MRPS27: variants seen among roughly 807,000 people sequenced by gnomAD.
The protein encoded by MRPS27 is small ribosomal subunit protein mS27.
A neutral mutation model predicts 48.9 loss-of-function variants in MRPS27; 43 were observed. The observed-to-expected ratio is 0.88, with a 90% CI of 0.69 to 1.13. The LOEUF is 1.13. Among genes scored for constraint, MRPS27 ranks in the 50% most tolerant of loss-of-function variants. The pLI is 0.00. For synonymous variants in MRPS27, 188 were observed against 171.9 expected (o/e 1.09, Z -0.73); for missense variants, 467 against 476.3 (o/e 0.98, Z 0.18).
At chr5:72,247,150 T>A (rs963128293) in intron 4 of MRPS27, among the ~76,000 whole-genome samples, 13 of 152,136 alleles carry the variant, frequency 8.5e-5, no homozygotes, top group Admixed American at 8.5e-4. Flanking sequence ...AATGCATGAA[T>A]CATGTAAGAC....
At chr5:72,276,168 T>C (rs1393776764) in intron 4 of MRPS27, among the ~76,000 whole-genome samples, 1 of 152,030 alleles carries the variant, frequency 6.6e-6, no homozygotes, top group Non-Finnish European at 1.5e-5. Context: ...CAAACCATAC[T>C]ACAAGGCTAC....
intron 4 of MRPS27, among the ~76,000 whole-genome samples, chr5:72,281,041 T>C (rs1749520668): frequency 6.6e-6 from 1 of 152,264 alleles, no homozygotes; most frequent in African/African-American, 2.4e-5. Context: ...TCCACATTCC[T>C]GAGCCTTGAT....
intron 4 of MRPS27, among the ~76,000 whole-genome samples, chr5:72,293,996 A>C (rs1331939445): frequency 6.6e-6 from 1 of 152,138 alleles, no homozygotes; most frequent in African/African-American, 2.4e-5. Flanking sequence ...TCTTTATCCT[A>C]ATGAAGTACA....
intron 4 of MRPS27, among the ~76,000 whole-genome samples, chr5:72,272,799 G>A (rs1749280457): frequency 6.6e-6 from 1 of 152,110 alleles, no homozygotes; most frequent in South Asian, 2.1e-4. Context: ...AAACTGTGTG[G>A]CCTGCAAAGC....
intron 2 of MRPS27, among the ~76,000 whole-genome samples, chr5:72,302,358 C>G (rs538789410): frequency 1.3e-5 from 2 of 152,204 alleles, no homozygotes; most frequent in African/African-American, 4.8e-5. Flanking sequence ...CTCTAATTCC[C>G]TGGGTTTGAG....
At chr5:72,244,727 C>T (rs1198339890) in intron 4 of MRPS27, among the ~76,000 whole-genome samples, 2 of 151,456 alleles carry the variant, frequency 1.3e-5, no homozygotes, top group African/African-American at 4.9e-5. Flanking sequence ...CTATGTTGAC[C>T]AGGCTGATCT....
At chr5:72,260,095 T>A (rs986622784) in intron 4 of MRPS27, among the ~76,000 whole-genome samples, 2 of 152,226 alleles carry the variant, frequency 1.3e-5, no homozygotes, top group African/African-American at 4.8e-5. Context: ...CAACCAATGC[T>A]ATAATTACTA....
chr5:72,268,433 C>T (rs983003485), intron 4 of MRPS27, among the ~76,000 whole-genome samples: 1 of 152,130 alleles, frequency 6.6e-6, no homozygotes, highest in South Asian at 2.1e-4. Flanking sequence ...CTGGGGAAGG[C>T]GGTATGAACA....
At chr5:72,286,216 A>G (rs568817863) in intron 4 of MRPS27, among the ~76,000 whole-genome samples, 1 of 152,272 alleles carries the variant, frequency 6.6e-6, no homozygotes, top group African/African-American at 2.4e-5. Context: ...ATGTGTGTAT[A>G]CACACACACA....
rs1484673854 is a variant in MRPS27, at chr5:72,223,693, TC to T, written c.994del (p.Glu332AsnfsTer22). On this transcript the variant is annotated frameshift_variant, in exon 10 of 11. Transcript: ENST00000261413. LOFTEE classifies it low-confidence loss of function (END_TRUNC). The part of the protein sequence containing the change: ...TEQSKLPQYL[E>X]RFKALHSKLQ... ...TCTGCTATGATTCACCTTAAATCGT[TC>T]CAGGTATTGAGGAAGCTTGGACTGC... 6.2e-7 allele frequency: 1 copy of T among 1,614,028 alleles called. No homozygotes were observed. The highest frequency in any genetic ancestry group is 1.7e-5 in the Admixed American group (1 of 60,024).
chr5:72,264,455 T>C (rs998738131), intron 4 of MRPS27, among the ~76,000 whole-genome samples: 4 of 152,196 alleles, frequency 2.6e-5, no homozygotes, highest in African/African-American at 9.6e-5. Flanking sequence ...GAATTGTGTC[T>C]CCCAAAAATA....
At chr5:72,231,472 C>T (rs1748064304) in intron 7 of MRPS27, among the ~76,000 whole-genome samples, 1 of 152,086 alleles carries the variant, frequency 6.6e-6, no homozygotes, top group Admixed American at 6.6e-5. Context: ...AGTTTTATAT[C>T]TCTGTGATTG....
At chr5:72,226,368 G>T in intron 8 of MRPS27, 169 bp from the exon 9 acceptor site, 1 of 680,732 alleles carries the variant, frequency 1.5e-6, no homozygotes, top group African/African-American at 1.8e-5. Context: ...ACTTCAGATG[G>T]ATAATGACGA....
intron 4 of MRPS27, among the ~76,000 whole-genome samples, chr5:72,268,047 C>T (rs1296777270): frequency 6.6e-6 from 1 of 152,092 alleles, no homozygotes; most frequent in Non-Finnish European, 1.5e-5. Flanking sequence ...ACTCCCAAAC[C>T]CAACAAACAT....
chr5:72,228,124 A>G, intron 8 of MRPS27, 142 bp downstream of exon 8: 2 of 709,756 alleles, frequency 2.8e-6, no homozygotes, highest in South Asian at 3.7e-5. Context: ...TAAGGCCATC[A>G]AGGTCTATTT....
At chr5:72,307,980 G>C (rs1394127923) in intron 2 of MRPS27, 1 of 152,300 alleles carries the variant, frequency 6.6e-6, no homozygotes, top group African/African-American at 2.4e-5. Flanking sequence ...GGAAAGGAAA[G>C]TGAGGCTCTC....
In MRPS27 at chr5:72,298,724, C is replaced by CA. The variant is rs4042799; in HGVS notation, c.152-1023dup. 2.4e-3 allele frequency among the ~76,000 whole-genome samples: 288 copies of CA among 121,510 alleles called. 6 individuals carry two copies. Among genetic ancestry groups the CA allele is most frequent in the East Asian group, 0.016 (68 of 4,200 alleles). The allele number at this position is 121,510 out of a possible 152,430, so 79.7% of individuals were successfully genotyped here. On this transcript the variant is annotated intron_variant, in intron 2 of 10. Transcript: ENST00000261413. ...CGAGACTCCGTCTCAAAAAAAAAAA[C>CA]AAAAAAAAAAAAAACAGAGCTACCA... is the stretch of plus-strand genomic sequence containing the variant.
rs548219556 is a variant in MRPS27 at position 72,287,020 on chromosome 5, G to A, written c.281+8511C>T. Reference sequence around the variant, plus strand: ...TTAGGAACTGGGCGGCACAGTAGGAGGTGAGCGGTGGGTGGGTGAGCATTA... The same window carrying A: ...TTAGGAACTGGGCGGCACAGTAGGAAGTGAGCGGTGGGTGGGTGAGCATTA... On this transcript the variant is annotated intron_variant, in intron 4 of 10. Coordinates refer to ENST00000261413, the MANE Select transcript of MRPS27 (RefSeq NM_015084.3). Among the ~76,000 whole-genome samples the A allele has an allele frequency of 3.9e-5, 6 of 152,308 alleles. No individual in the cohort carries two copies. In the East Asian group the frequency reaches 1.2e-3, roughly 29 times the overall value.
chr5:72,297,427 C>T (rs1750009879), intron 3 of MRPS27, among the ~76,000 whole-genome samples: 1 of 152,182 alleles, frequency 6.6e-6, no homozygotes, highest in African/African-American at 2.4e-5. Flanking sequence ...ATATCAGAAT[C>T]TGGTAAATGT....
Sources: gnomAD v4.1 joint callset for allele counts (sites outside exome capture counted in the v4.1 genomes callset) on GRCh38, gnomAD v4.1.1 for gene constraint, MANE v1.5 for transcripts, NCBI Gene and HGNC (gene_info 2026-07-23, HGNC 2026-07-21) for gene names.